Variants in RIN3 observed in about 807,000 individuals in gnomAD.
RIN3 encodes Ras and Rab interactor 3, also known as RAB5 interacting protein 3.
RIN3 carries 54 observed loss-of-function variants against 76.3 expected under a neutral mutation model. The ratio of observed to expected loss-of-function variants is 0.71; its 90% CI spans 0.57 to 0.89. RIN3 has a LOEUF of 0.89. Among genes scored for constraint, RIN3 ranks in the 40% least tolerant of loss-of-function variants. The pLI is 0.00. For missense variants in RIN3, 1,256 were observed against 1,322.1 expected (o/e 0.95, Z 0.78); for synonymous variants, 576 against 564.0 (o/e 1.02, Z -0.30).
chr14:92,667,562 A>C (rs1747659173), intron 7 of RIN3, among the ~76,000 whole-genome samples: 1 of 152,196 alleles, frequency 6.6e-6, no homozygotes, highest in Non-Finnish European at 1.5e-5. Context: ...AAAGTCGCTC[A>C]TGTTTATTGT....
rs138566684 is a variant in RIN3, at chr14:92,648,325, G to A, written c.533-3257G>A. ...GCCGAGAGCCTATTTGCCTGAACCC[G>A]TGTCTGCTCTGTTCCTGCCAAAATC... On this transcript the variant is annotated intron_variant, in intron 5 of 9. Transcript: ENST00000216487. This position sits in a 1 kb window ranked among gnomAD's most constrained non-coding sequence, Gnocchi z 4.1. Among the ~76,000 whole-genome samples the A allele has an allele frequency of 0.01, 1,530 of 152,284 alleles. 12 individuals carry two copies. Among genetic ancestry groups the A allele is most frequent in the Non-Finnish European group, 0.015 (1,003 of 68,022 alleles).
chr14:92,524,494 A>G (rs1896678313), intron 1 of RIN3, among the ~76,000 whole-genome samples: 2 of 152,196 alleles, frequency 1.3e-5, no homozygotes, highest in Admixed American at 1.3e-4. Context: ...TGAGCCTGTA[A>G]GAGCCTGCCT....
chr14:92,556,387 G>T (rs904911319), intron 2 of RIN3, among the ~76,000 whole-genome samples: 4 of 152,188 alleles, frequency 2.6e-5, no homozygotes, highest in Non-Finnish European at 5.9e-5. Flanking sequence ...CAAATAAGGG[G>T]CTGTGTGATG....
Position 92,523,553 on chromosome 14 carries a change from G to A in RIN3, c.44+9577G>A, listed in dbSNP as rs189004468. 1.2e-4 allele frequency among the ~76,000 whole-genome samples: 19 copies of A among 152,358 alleles called. 1 individual carries two copies. In the East Asian group the frequency reaches 3.5e-3, roughly 28 times the overall value. On this transcript the variant is annotated intron_variant, in intron 1 of 9. Coordinates refer to ENST00000216487, the MANE Select transcript of RIN3 (RefSeq NM_024832.5). ...ACTCAGCTGCTTTGCAGGGCGACCT[G>A]CAAGTCCCCATTTCCTAGTGGAGGC...
chr14:92,606,853 A>G lies in RIN3; in HGVS notation c.368-8554A>G, dbSNP rs775472799. On this transcript the variant is annotated intron_variant, in intron 3 of 9. Transcript: ENST00000216487. Reference sequence around the variant, plus strand: ...AAAACAGTTTGACAGTTTCTTAAACATACAGAATTGCCATATGACTGAGCA... The same window carrying G: ...AAAACAGTTTGACAGTTTCTTAAACGTACAGAATTGCCATATGACTGAGCA... 2.0e-5 allele frequency among the ~76,000 whole-genome samples: 3 copies of G among 152,280 alleles called. No homozygotes were observed. In the South Asian group the frequency reaches 6.2e-4, roughly 31 times the overall value.
chr14:92,651,186 C>T lies in RIN3; in HGVS notation c.533-396C>T, dbSNP rs969840281. ...GCCCCAGAGCACCCAGCTGGTTGGC[C>T]GCAGGAATTCCAGGCCTTCCGTCCC... On this transcript the variant is annotated intron_variant, in intron 5 of 9. Transcript: ENST00000216487. Among the ~76,000 whole-genome samples the T allele has an allele frequency of 7.2e-5, 11 of 152,262 alleles. 1 individual carries two copies. Among genetic ancestry groups the T allele is most frequent in the African/African-American group, 2.4e-4 (10 of 41,542 alleles).
rs192083011 is a variant in RIN3 at position 92,622,728 on chromosome 14, G to A, written c.440+7249G>A. 6.7e-4 allele frequency among the ~76,000 whole-genome samples: 102 copies of A among 152,326 alleles called. No individual in the cohort carries two copies. The East Asian group carries it at 0.018, about 27-fold the overall frequency. The stretch of plus-strand genomic sequence containing the variant: ...GGGTGGGCCTTTGACAGGAAGCACA[G>A]GTATAGTACATTTTGGGGTGTTTGG... On this transcript the variant is annotated intron_variant, in intron 4 of 9. Transcript: ENST00000216487.
intron 7 of RIN3, among the ~76,000 whole-genome samples, chr14:92,665,670 C>T (rs7157523): frequency 0.24 from 36,146 of 151,682 alleles, 4,693 homozygotes; most frequent in East Asian, 0.33. Flanking sequence ...CGTGAGCCAC[C>T]GCGCCTGGAC....
chr14:92,624,563 G>A (rs893821700), intron 4 of RIN3, among the ~76,000 whole-genome samples: 6 of 152,284 alleles, frequency 3.9e-5, no homozygotes, highest in Non-Finnish European at 7.3e-5. Context: ...ATGACAAAAC[G>A]GAAAGCTAAA....
chr14:92,615,598 T>C, intron 4 of RIN3, 119 bp downstream of exon 4: 2 of 848,328 alleles, frequency 2.4e-6, no homozygotes, highest in Non-Finnish European at 4.0e-6. Flanking sequence ...GCCCAGAGGA[T>C]GCAGAGAGAG....
chr14:92,595,319 A>T (rs1885116196), intron 3 of RIN3, among the ~76,000 whole-genome samples: 1 of 152,204 alleles, frequency 6.6e-6, no homozygotes. Context: ...AGCTGAGTGG[A>T]TTGGGGCAAG....
At position 92,652,253 on chromosome 14, in the gene RIN3, C is replaced by A. The variant is rs1317091026; in HGVS notation, c.1204C>A (p.Pro402Thr). 1.6e-5 allele frequency: 25 copies of A among 1,610,954 alleles called. No individual in the cohort carries two copies. Among genetic ancestry groups the A allele is most frequent in the Non-Finnish European group, 2.0e-5 (23 of 1,178,032 alleles). ...SERVSLEDQS[P>T]GMAAEGDQLS... is the part of the protein sequence containing the mutation. ...GAGGGTGTCCTTAGAAGACCAAAGTCCGGGGATGGCGGCAGAGGGGGACCA... is the reference window on the plus strand; with the variant it reads ...GAGGGTGTCCTTAGAAGACCAAAGTACGGGGATGGCGGCAGAGGGGGACCA... Residue 402 changes from proline to threonine, a missense_variant, in exon 6 of 10, where the codon CCG (proline) becomes ACG (threonine). Physicochemically the swap from Pro to Thr is conservative, Grantham distance 38. Around this residue, in one of 3 missense-constraint regions of RIN3, gnomAD observed 610 missense variants for 626.4 expected, o/e 0.97. Transcript: ENST00000216487. The surrounding 1 kb of genome is among the most constrained non-coding windows in gnomAD (Gnocchi z 6.4).
chr14:92,620,603 T>TA (rs1201187219), intron 4 of RIN3, among the ~76,000 whole-genome samples: 5 of 151,874 alleles, frequency 3.3e-5, no homozygotes, highest in African/African-American at 9.7e-5. Flanking sequence ...CACTAGGAAC[T>TA]AAAAAAAATC....
chr14:92,641,850 C>T (rs910959997), intron 5 of RIN3, among the ~76,000 whole-genome samples: 2 of 152,160 alleles, frequency 1.3e-5, no homozygotes, highest in African/African-American at 4.8e-5. Flanking sequence ...GGAGGGAGGG[C>T]AGGGTGTGTC....
rs1896371498 is a variant in RIN3 at position 92,514,131 on chromosome 14, C to G, written c.44+155C>G. The stretch of plus-strand genomic sequence containing the variant: ...CCCCCACCGTGGCCGAGGCCAGAAC[C>G]TGGTTCTGCGGGGCAGGGGGCGGCC... On this transcript the variant is annotated intron_variant, in intron 1 of 9. Coordinates refer to ENST00000216487, the MANE Select transcript of RIN3 (RefSeq NM_024832.5). The surrounding 1 kb of genome is among the most constrained non-coding windows in gnomAD (Gnocchi z 7.2). 6.6e-6 allele frequency among the ~76,000 whole-genome samples: 1 copy of G among 152,246 alleles called. No homozygotes were observed. The highest frequency in any genetic ancestry group is 2.1e-4 in the South Asian group (1 of 4,838).
At chr14:92,572,640 C>A (rs1898093696) in intron 2 of RIN3, among the ~76,000 whole-genome samples, 1 of 152,126 alleles carries the variant, frequency 6.6e-6, no homozygotes, top group South Asian at 2.1e-4. Flanking sequence ...GACCCCAATT[C>A]CTTGGGGAAA....
chr14:92,590,764 T>C (rs1384387980), intron 3 of RIN3, among the ~76,000 whole-genome samples: 2 of 152,152 alleles, frequency 1.3e-5, no homozygotes, highest in Admixed American at 6.5e-5. Flanking sequence ...AGGAAAAAAC[T>C]GAGACATACT....
At chr14:92,673,239 C>T (rs1888347270) in intron 7 of RIN3, among the ~76,000 whole-genome samples, 2 of 152,218 alleles carry the variant, frequency 1.3e-5, no homozygotes. Flanking sequence ...AAAGACTTTT[C>T]CATGGTGTGC....
At chr14:92,651,544 G>T (rs747313703) in intron 5 of RIN3, 38 bp from the exon 6 acceptor site, 27 of 1,521,800 alleles carry the variant, frequency 1.8e-5, no homozygotes, top group African/African-American at 2.8e-5. Flanking sequence ...CTAGTCCCTG[G>T]CACAGACTGA....
Sources: allele counts gnomAD v4.1 joint callset (sites outside exome capture counted in the v4.1 genomes callset), GRCh38; gene constraint gnomAD v4.1.1; regional missense constraint gnomAD v4.1.1; non-coding constraint Gnocchi (gnomAD v3.1); transcripts MANE v1.5; gene names NCBI Gene and HGNC (gene_info 2026-07-23, HGNC 2026-07-21).